ADAM12: variants seen among roughly 807,000 people sequenced by gnomAD.
ADAM12 encodes disintegrin and metalloproteinase domain-containing protein 12.
ADAM12 carries 70 observed loss-of-function variants against 106.4 expected under a neutral mutation model. That is an observed-to-expected ratio of 0.66 (90% CI 0.54 to 0.80). The LOEUF (loss-of-function observed/expected upper bound fraction) is 0.80, where lower values mean the gene tolerates loss of function less well. Ranked by LOEUF, ADAM12 falls within the 30% of genes least tolerant of loss-of-function variation. The pLI is 0.00. For synonymous variants in ADAM12, 420 were observed against 433.5 expected, an observed-to-expected ratio of 0.97 and a Z score of 0.39; for missense variants, 1,010 against 1,171.9, an observed-to-expected ratio of 0.86 and a Z score of 2.02.
intron 4 of ADAM12, among the ~76,000 whole-genome samples, chr10:126,140,935 G>A (rs554876004): frequency 5.9e-5 from 9 of 152,254 alleles, no homozygotes; most frequent in South Asian, 2.1e-4. Flanking sequence ...AGAGAGAGAG[G>A]AGCACAGGCT....
intron 2 of ADAM12, among the ~76,000 whole-genome samples, chr10:126,328,908 A>T (rs1433338489): frequency 6.6e-6 from 1 of 152,170 alleles, no homozygotes; most frequent in Admixed American, 6.5e-5. Context: ...TAGATGTGCC[A>T]GTCCCTCCTC....
intron 1 of ADAM12, among the ~76,000 whole-genome samples, chr10:126,331,880 C>T (rs561530768): frequency 1.3e-5 from 2 of 152,234 alleles, no homozygotes; most frequent in African/African-American, 2.4e-5. Context: ...CACCCGTGAA[C>T]GGCTGCTTGG....
chr10:126,269,339 C>T (rs2133731035), intron 3 of ADAM12, among the ~76,000 whole-genome samples: 1 of 152,272 alleles, frequency 6.6e-6, no homozygotes, highest in African/African-American at 2.4e-5. Context: ...TAGGTTTCAG[C>T]CTCATTTTAC....
intron 2 of ADAM12, among the ~76,000 whole-genome samples, chr10:126,291,866 C>G (rs879668663): frequency 6.6e-6 from 1 of 152,200 alleles, no homozygotes; most frequent in Non-Finnish European, 1.5e-5. Context: ...CTTCACCAGG[C>G]TTGCAGGGCT....
intron 3 of ADAM12, among the ~76,000 whole-genome samples, chr10:126,227,262 A>G (rs1282448773): frequency 6.6e-6 from 1 of 152,104 alleles, no homozygotes; most frequent in Non-Finnish European, 1.5e-5. Flanking sequence ...CACCATCGCC[A>G]TCATTACCAT....
chr10:126,058,418 G>T (rs1469075015), intron 14 of ADAM12, among the ~76,000 whole-genome samples: 1 of 152,222 alleles, frequency 6.6e-6, no homozygotes, highest in Non-Finnish European at 1.5e-5. Flanking sequence ...TATGTCTCTG[G>T]ATTTCCACTT....
chr10:126,355,492 G>C (rs560763183), intron 1 of ADAM12, among the ~76,000 whole-genome samples: 59 of 152,338 alleles, frequency 3.9e-4, no homozygotes, highest in Non-Finnish European at 6.8e-4. Flanking sequence ...ATAAGCCTGA[G>C]AGACCTGCCT....
At chr10:126,125,675 C>T (rs1234752088) in intron 5 of ADAM12, among the ~76,000 whole-genome samples, 2 of 151,808 alleles carry the variant, frequency 1.3e-5, no homozygotes, top group Non-Finnish European at 2.9e-5. Context: ...TCCCCCCCAG[C>T]CCCCAGAAAA....
chr10:126,352,577 G>T (rs773725379), intron 1 of ADAM12, among the ~76,000 whole-genome samples: 1 of 152,200 alleles, frequency 6.6e-6, no homozygotes, highest in Admixed American at 6.5e-5. Context: ...ACCACAGCTG[G>T]TCAGCGTTGC....
At chr10:126,203,361 G>C (rs1277313226) in intron 3 of ADAM12, among the ~76,000 whole-genome samples, 1 of 152,152 alleles carries the variant, frequency 6.6e-6, no homozygotes, top group Non-Finnish European at 1.5e-5. Context: ...TGGTTCAGTT[G>C]TTACTAAAAT....
At chr10:126,240,266 A>G (rs1356696307) in intron 3 of ADAM12, among the ~76,000 whole-genome samples, 1 of 152,198 alleles carries the variant, frequency 6.6e-6, no homozygotes, top group Non-Finnish European at 1.5e-5. Context: ...TAAAATATTC[A>G]TTCCACAGCA....
intron 5 of ADAM12, among the ~76,000 whole-genome samples, chr10:126,132,611 C>T (rs1307610034): frequency 3.3e-5 from 5 of 149,656 alleles, no homozygotes; most frequent in Non-Finnish European, 7.4e-5. Context: ...CAGGGCTTGG[C>T]TTTCCTAGAG....
chr10:126,090,232 G>A (rs1317086275), intron 11 of ADAM12, among the ~76,000 whole-genome samples: 3 of 147,762 alleles, frequency 2.0e-5, no homozygotes, highest in Non-Finnish European at 4.4e-5. Flanking sequence ...GGGGCTCGGT[G>A]AATATGACTT....
At chr10:126,317,195 C>G (rs1487523952) in intron 2 of ADAM12, among the ~76,000 whole-genome samples, 1 of 152,140 alleles carries the variant, frequency 6.6e-6, no homozygotes, top group Non-Finnish European at 1.5e-5. Flanking sequence ...CTGAGGAGTC[C>G]TTCCTGAGAC....
At chr10:126,271,021 C>T (rs945527107) in intron 3 of ADAM12, among the ~76,000 whole-genome samples, 5 of 152,156 alleles carry the variant, frequency 3.3e-5, no homozygotes, top group Non-Finnish European at 2.9e-5. Context: ...CAGCGGCAAA[C>T]ATCCATGAAC....
At chr10:126,189,243 C>G (rs1229185284) in intron 3 of ADAM12, among the ~76,000 whole-genome samples, 1 of 152,114 alleles carries the variant, frequency 6.6e-6, no homozygotes, top group Admixed American at 6.5e-5. Context: ...GGTGTTTAGA[C>G]AGTGGGAACA....
At chr10:126,040,792 C>T (rs953135924) in intron 18 of ADAM12, among the ~76,000 whole-genome samples, 3 of 152,132 alleles carry the variant, frequency 2.0e-5, no homozygotes, top group Admixed American at 1.3e-4. Flanking sequence ...TTCAATACAT[C>T]AATCTATGAA....
intron 11 of ADAM12, among the ~76,000 whole-genome samples, chr10:126,074,820 G>C (rs1363893491): frequency 6.6e-6 from 1 of 152,186 alleles, no homozygotes; most frequent in African/African-American, 2.4e-5. Context: ...TGCGAAATGA[G>C]GTCTTGATGA....
intron 11 of ADAM12, among the ~76,000 whole-genome samples, chr10:126,084,275 C>G (rs1222498559): frequency 2.0e-5 from 3 of 152,188 alleles, no homozygotes; most frequent in Non-Finnish European, 2.9e-5. Context: ...GCTACGATGG[C>G]TATTTCTTCC....
Sources: gnomAD v4.1 joint callset for allele counts (sites outside exome capture counted in the v4.1 genomes callset) on GRCh38, gnomAD v4.1.1 for gene constraint, MANE v1.5 for transcripts, NCBI Gene and HGNC (gene_info 2026-07-23, HGNC 2026-07-21) for gene names.